Variants in EDIL3 observed in about 807,000 individuals in gnomAD.
EDIL3 encodes EGF like and discoidin domains 3, also known as EGF-like repeat and discoidin I-like domain-containing protein 3.
In EDIL3, 37 loss-of-function variants were observed where a neutral mutation model predicts 67.4. The observed-to-expected ratio is 0.55, with a 90% CI of 0.42 to 0.72. EDIL3 has a LOEUF of 0.72. Among genes scored for constraint, EDIL3 ranks in the 30% least tolerant of loss-of-function variants. EDIL3 has a pLI of 0.00. For synonymous variants in EDIL3, 195 were observed against 196.3 expected (o/e 0.99, Z 0.05); for missense variants, 527 against 586.3 (o/e 0.90, Z 1.04).
intron 9 of EDIL3, among the ~76,000 whole-genome samples, chr5:84,012,405 T>C (rs570239187): frequency 2.0e-5 from 3 of 152,324 alleles, no homozygotes; most frequent in African/African-American, 7.2e-5. Flanking sequence ...TGCATGTCAC[T>C]GCAACTGATC....
intron 6 of EDIL3, among the ~76,000 whole-genome samples, chr5:84,076,277 A>G (rs1178221792): frequency 6.6e-6 from 1 of 152,168 alleles, no homozygotes; most frequent in African/African-American, 2.4e-5. Context: ...CAGCTAGAAA[A>G]GAAGAGATGA....
In EDIL3 at chr5:84,346,199, A is replaced by C. The variant is rs574435158; in HGVS notation, c.67+38109T>G. On this transcript the variant is annotated intron_variant, in intron 1 of 10. Transcript: ENST00000296591. Reference sequence around the variant, plus strand: ...CTCCCAGGCTGGAGTGCAGTGGTGCAGTGTTGCGATCTTGGCTCACTGCAA... The same window carrying C: ...CTCCCAGGCTGGAGTGCAGTGGTGCCGTGTTGCGATCTTGGCTCACTGCAA... 5.1e-5 allele frequency among the ~76,000 whole-genome samples: 7 copies of C among 136,672 alleles called. No homozygotes were observed. In the East Asian group the frequency reaches 1.3e-3, roughly 25 times the overall value. The allele number at this position is 136,672 out of a possible 152,430, so 89.7% of individuals were successfully genotyped here. A position where few individuals can be genotyped will look rare whatever the true frequency, so the allele number is the denominator to read the frequency against.
chr5:84,178,798 T>C (rs6864963), intron 4 of EDIL3, among the ~76,000 whole-genome samples: 2,554 of 152,292 alleles, frequency 0.017, 80 homozygotes, highest in African/African-American at 0.059. Flanking sequence ...CTAGGTGGTT[T>C]AGACAACAAA....
chr5:84,294,266 T>C (rs566844552), intron 1 of EDIL3, among the ~76,000 whole-genome samples: 1 of 150,722 alleles, frequency 6.6e-6, no homozygotes, highest in Non-Finnish European at 1.5e-5. Flanking sequence ...GCACCTGTAG[T>C]CCCAGCTACT....
intron 1 of EDIL3, among the ~76,000 whole-genome samples, chr5:84,287,402 C>T (rs113596528): frequency 0.027 from 4,180 of 152,124 alleles, 209 homozygotes; most frequent in African/African-American, 0.097. Context: ...CTGAGTTGAA[C>T]AAATTGAAGA....
chr5:84,211,601 A>G (rs559033972), intron 3 of EDIL3, among the ~76,000 whole-genome samples: 13 of 152,284 alleles, frequency 8.5e-5, no homozygotes, highest in African/African-American at 2.9e-4. Context: ...AAAGCGGAGC[A>G]GGTGATGTGA....
Position 83,963,316 on chromosome 5 carries a change from T to A in EDIL3, c.1182A>T (p.Gln394His). 1.2e-6 allele frequency: 2 copies of A among 1,609,688 alleles called. No individual in the cohort carries two copies. Among genetic ancestry groups the A allele is most frequent in the Non-Finnish European group, 1.7e-6 (2 of 1,177,540 alleles). Reference sequence around the variant, plus strand: ...GTACATGACCAAAATCTTTAGCTCCTTGTGTAATGATGCCAGTCACTTTGG... The same window carrying A: ...GTACATGACCAAAATCTTTAGCTCCATGTGTAATGATGCCAGTCACTTTGG... ...VPTKVTGIIT[Q>H]GAKDFGHVQF... Residue 394 changes from glutamine (Q) to histidine (H), a missense_variant, in exon 10 of 11, where the codon CAA becomes CAT. Physicochemically the swap from Gln to His is conservative, Grantham distance 24. Around this residue, in one of 2 missense-constraint regions of EDIL3, gnomAD observed 494 missense variants for 522.5 expected, o/e 0.95. Coordinates refer to ENST00000296591, the MANE Select transcript of EDIL3 (RefSeq NM_005711.5).
intron 9 of EDIL3, among the ~76,000 whole-genome samples, chr5:84,001,314 G>A (rs1416211519): frequency 1.3e-5 from 2 of 152,036 alleles, no homozygotes; most frequent in African/African-American, 2.4e-5. Flanking sequence ...CTCACAAAAC[G>A]CTGGGACTCA....
chr5:84,141,922 T>TACACATATATATATATATATATATAC (rs1748198602), intron 4 of EDIL3, among the ~76,000 whole-genome samples: 2 of 87,732 alleles, frequency 2.3e-5, no homozygotes, highest in South Asian at 8.2e-4. Flanking sequence ...TATATATATA[T>TACACATATATATATATATATATATAC]ACACATATAT....
chr5:84,119,246 G>C (rs1747730115), intron 5 of EDIL3, among the ~76,000 whole-genome samples: 1 of 64,754 alleles, frequency 1.5e-5, no homozygotes, highest in Non-Finnish European at 2.9e-5. Context: ...TCACAGAAAT[G>C]AAAATGGAGT....
At chr5:84,067,889 T>C (rs1746672000) in intron 6 of EDIL3, among the ~76,000 whole-genome samples, 1 of 152,190 alleles carries the variant, frequency 6.6e-6, no homozygotes, top group Non-Finnish European at 1.5e-5. Context: ...CGATGGTCCC[T>C]TTTTTCCTTG....
At chr5:83,963,470 G>T in intron 9 of EDIL3, 110 bp from the exon 10 acceptor site, 1 of 1,217,396 alleles carries the variant, frequency 8.2e-7, no homozygotes, top group Non-Finnish European at 1.1e-6. Flanking sequence ...TCAAAAATCT[G>T]TCTAGTTATT....
chr5:84,212,513 A>G (rs1305904637), intron 3 of EDIL3, among the ~76,000 whole-genome samples: 2 of 152,194 alleles, frequency 1.3e-5, no homozygotes, highest in Non-Finnish European at 2.9e-5. Flanking sequence ...AGAGAATGGA[A>G]TCCTTCCCAG....
intron 1 of EDIL3, among the ~76,000 whole-genome samples, chr5:84,289,557 T>C (rs1367824157): frequency 1.3e-5 from 2 of 152,168 alleles, no homozygotes; most frequent in Non-Finnish European, 2.9e-5. Context: ...AGTTGTAGTC[T>C]GTCCCCAATT....
At chr5:84,203,056 A>C (rs527460662) in intron 3 of EDIL3, among the ~76,000 whole-genome samples, 2 of 152,320 alleles carry the variant, frequency 1.3e-5, no homozygotes, top group South Asian at 2.1e-4. Context: ...TTTTACAACC[A>C]AGTGACAGAG....
At chr5:84,241,176 G>A (rs1325721952) in intron 2 of EDIL3, among the ~76,000 whole-genome samples, 3 of 152,116 alleles carry the variant, frequency 2.0e-5, no homozygotes, top group East Asian at 1.9e-4. Context: ...TTTCTCAAAT[G>A]TAAGTATTTA....
chr5:83,967,097 G>C (rs970992352), intron 9 of EDIL3, among the ~76,000 whole-genome samples: 6 of 152,090 alleles, frequency 3.9e-5, no homozygotes, highest in African/African-American at 1.2e-4. Context: ...CCGAGAGGCA[G>C]ATGGTTTGAG....
chr5:83,952,490 G>C (rs1744439302), intron 10 of EDIL3, among the ~76,000 whole-genome samples: 1 of 151,762 alleles, frequency 6.6e-6, no homozygotes. Context: ...CACAGAAAAA[G>C]TAGAATTGGG....
chr5:84,288,487 G>C (rs1745853660), intron 1 of EDIL3, among the ~76,000 whole-genome samples: 1 of 152,120 alleles, frequency 6.6e-6, no homozygotes, highest in African/African-American at 2.4e-5. Flanking sequence ...TTAGCAGGGA[G>C]TATAATGCAG....
Sources: gnomAD v4.1 joint callset for allele counts (sites outside exome capture counted in the v4.1 genomes callset) on GRCh38, gnomAD v4.1.1 for gene constraint, gnomAD v4.1.1 regional missense constraint, MANE v1.5 for transcripts, NCBI Gene and HGNC (gene_info 2026-07-23, HGNC 2026-07-21) for gene names.